The following HECW2 variants were observed in gnomAD, a reference collection of about 807,000 sequenced individuals.
HECW2 encodes the protein E3 ubiquitin-protein ligase HECW2.
A neutral mutation model predicts 175.2 loss-of-function variants in HECW2; 61 were observed. The observed-to-expected ratio is 0.35, with a 90% CI of 0.28 to 0.43. HECW2 has a LOEUF of 0.43. HECW2 is among the 20% of genes least tolerant of loss of function. The probability of loss-of-function intolerance (pLI) is 1.00; values close to 1 mark genes in which losing one functional copy is unlikely to be tolerated. For synonymous variants in HECW2, 671 were observed against 731.0 expected, an observed-to-expected ratio of 0.92 and a Z score of 1.32; for missense variants, 1,524 against 2,000.5, an observed-to-expected ratio of 0.76 and a Z score of 4.54.
intron 1 of HECW2, among the ~76,000 whole-genome samples, chr2:196,515,542 T>C (rs1688118554): frequency 6.6e-6 from 1 of 152,196 alleles, no homozygotes; most frequent in African/African-American, 2.4e-5. Flanking sequence ...ATGCCAGTAA[T>C]GTGCAGCAGG....
chr2:196,461,933 T>C (rs1696761903), intron 1 of HECW2, among the ~76,000 whole-genome samples: 1 of 152,156 alleles, frequency 6.6e-6, no homozygotes, highest in African/African-American at 2.4e-5. Flanking sequence ...ATATCACTTA[T>C]GTACAAATGT....
rs1244875198 is a variant in HECW2, at chr2:196,278,131, AAAATATATAT to A, written c.3135+387_3135+396del. Among the ~76,000 whole-genome samples the A allele has an allele frequency of 3.1e-4, 9 of 29,030 alleles. 1 individual carries two copies. Among genetic ancestry groups the A allele is most frequent in the East Asian group, 0.031 (1 of 32 alleles). 19.0% of individuals were successfully genotyped at this position (29,030 alleles called of 152,430 possible). A position where few individuals can be genotyped will look rare whatever the true frequency, so the allele number is the denominator to read the frequency against. ...ACCCTAGAACTTAAAGTATAATTAA[AAAATATATAT>A]ATATATATATAAAGAAATTCCACAT... On this transcript the variant is annotated intron_variant, in intron 15 of 28. Coordinates refer to ENST00000644978, the MANE Select transcript of HECW2 (RefSeq NM_001348768.2).
At position 196,195,706 on chromosome 2, in the gene HECW2, A is replaced by G. The variant is rs532138716; in HGVS notation, c.*5571T>C. 6.6e-6 allele frequency: 1 copy of G among 152,328 alleles called. No individual in the cohort carries two copies. Among genetic ancestry groups the G allele is most frequent in the Admixed American group, 6.5e-5 (1 of 15,304 alleles). The allele number at this position is 152,328 out of a possible 1,614,324, so 9.4% of individuals were successfully genotyped here. A position where few individuals can be genotyped will look rare whatever the true frequency, so the allele number is the denominator to read the frequency against. Reference sequence around the variant, plus strand: ...TCCGCTAAAAAAACCAAATAAGTATAATGAAATAAAAGCACCCTTTCTTTC... The same window carrying G: ...TCCGCTAAAAAAACCAAATAAGTATGATGAAATAAAAGCACCCTTTCTTTC... On this transcript the variant is annotated 3_prime_UTR_variant, in exon 29 of 29. Transcript: ENST00000644978.
chr2:196,370,544 T>C (rs569390184), intron 2 of HECW2, among the ~76,000 whole-genome samples: 1 of 152,218 alleles, frequency 6.6e-6, no homozygotes, highest in Admixed American at 6.5e-5. Flanking sequence ...TCTCACTAGG[T>C]CACAAGCCCC....
At chr2:196,389,152 T>C (rs1694434976) in intron 2 of HECW2, among the ~76,000 whole-genome samples, 1 of 152,190 alleles carries the variant, frequency 6.6e-6, no homozygotes, top group Non-Finnish European at 1.5e-5. Flanking sequence ...GTTTTACAAA[T>C]TTTTCACCCA....
At chr2:196,295,369 G>T (rs577937184) in intron 13 of HECW2, among the ~76,000 whole-genome samples, 1 of 152,264 alleles carries the variant, frequency 6.6e-6, no homozygotes, top group East Asian at 1.9e-4. Context: ...AATACAATCA[G>T]CAAGGCAACT....
chr2:196,574,753 C>A (rs1182036007), intron 1 of HECW2, among the ~76,000 whole-genome samples: 2 of 152,104 alleles, frequency 1.3e-5, no homozygotes, highest in African/African-American at 2.4e-5. Context: ...ACTAAAGGCA[C>A]CACATTTCCT....
intron 21 of HECW2, among the ~76,000 whole-genome samples, chr2:196,231,785 C>T (rs1179830533): frequency 1.3e-5 from 2 of 151,758 alleles, no homozygotes; most frequent in African/African-American, 4.8e-5. Context: ...TCAGGACCAT[C>T]GAGACCATCC....
intron 14 of HECW2, chr2:196,291,139 C>A (rs556780840): frequency 6.6e-6 from 1 of 152,074 alleles, no homozygotes; most frequent in African/African-American, 2.4e-5. Flanking sequence ...GTAAAGTTCC[C>A]TCTGCTAGAG....
chr2:196,402,200 CAAAAAAAAAA>C (rs55851966), intron 2 of HECW2, among the ~76,000 whole-genome samples: 6 of 70,388 alleles, frequency 8.5e-5, no homozygotes, highest in African/African-American at 2.1e-4. Flanking sequence ...GACTCTGTCT[CAAAAAAAAAA>C]AAAAAAAAAA....
In HECW2 at chr2:196,334,413, G is replaced by A; in HGVS notation, c.495+11C>T. On this transcript the variant is annotated intron_variant, in intron 4 of 28. Coordinates refer to ENST00000644978, the MANE Select transcript of HECW2 (RefSeq NM_001348768.2). ...GATCTCACAAGGAAGCTGGCAGCGA[G>A]GGGCACTCACCATCACAGCTGGGTT... is the stretch of plus-strand genomic sequence containing the variant. 1 of 1,596,728 alleles carries A rather than the reference G, an allele frequency of 6.3e-7. No individual in the cohort carries two copies. Among genetic ancestry groups the A allele is most frequent in the African/African-American group, 1.3e-5 (1 of 74,754 alleles).
At chr2:196,349,951 C>T (rs1559059372) in intron 2 of HECW2, among the ~76,000 whole-genome samples, 1 of 152,184 alleles carries the variant, frequency 6.6e-6, no homozygotes, top group Non-Finnish European at 1.5e-5. Flanking sequence ...CCAAAATCTC[C>T]TGCACATTCA....
At chr2:196,246,150 C>G (rs1688634818) in intron 19 of HECW2, among the ~76,000 whole-genome samples, 1 of 152,192 alleles carries the variant, frequency 6.6e-6, no homozygotes, top group African/African-American at 2.4e-5. Flanking sequence ...GGAACATTAT[C>G]TCCATGAACA....
chr2:196,249,681 C>G (rs1017730389), intron 19 of HECW2, among the ~76,000 whole-genome samples: 1 of 152,156 alleles, frequency 6.6e-6, no homozygotes, highest in Non-Finnish European at 1.5e-5. Flanking sequence ...TTCAAAGGAA[C>G]AGAAGATTCC....
chr2:196,228,583 G>T (rs756330894), intron 21 of HECW2, among the ~76,000 whole-genome samples: 3 of 152,130 alleles, frequency 2.0e-5, no homozygotes, highest in African/African-American at 7.2e-5. Flanking sequence ...TAAATCTTTC[G>T]AATGTCAGGA....
intron 1 of HECW2, among the ~76,000 whole-genome samples, chr2:196,564,671 TTTTAA>T (rs1690117779): frequency 6.6e-6 from 1 of 152,004 alleles, no homozygotes; most frequent in South Asian, 2.1e-4. Context: ...GAGGAAATAT[TTTTAA>T]TTTAAACATT....
At chr2:196,282,529 A>C (rs1690225880) in intron 14 of HECW2, among the ~76,000 whole-genome samples, 1 of 152,020 alleles carries the variant, frequency 6.6e-6, no homozygotes, top group African/African-American at 2.4e-5. Flanking sequence ...CAGTCTGGAA[A>C]GGCGAGACAA....
intron 2 of HECW2, among the ~76,000 whole-genome samples, chr2:196,390,778 T>C (rs985302802): frequency 1.4e-4 from 22 of 152,166 alleles, no homozygotes; most frequent in African/African-American, 4.8e-4. Context: ...AATAAGATGC[T>C]TGGAGATAAG....
At chr2:196,203,717 T>C (rs775501839) in intron 28 of HECW2, among the ~76,000 whole-genome samples, 14 of 152,334 alleles carry the variant, frequency 9.2e-5, no homozygotes, top group South Asian at 8.3e-4. Flanking sequence ...AAAATATACA[T>C]AATATAACAT....
Sources: gnomAD v4.1 joint callset for allele counts (sites outside exome capture counted in the v4.1 genomes callset) on GRCh38, gnomAD v4.1.1 for gene constraint, MANE v1.5 for transcripts, NCBI Gene and HGNC (gene_info 2026-07-23, HGNC 2026-07-21) for gene names.